Variants in SCFD2 observed in about 807,000 individuals in gnomAD.
SCFD2 encodes sec1 family domain-containing protein 2.
In SCFD2, 54 loss-of-function variants were observed where a neutral mutation model predicts 58.9. The ratio of observed to expected loss-of-function variants is 0.92; its 90% CI spans 0.74 to 1.15. The LOEUF (loss-of-function observed/expected upper bound fraction) is 1.15, where lower values mean the gene tolerates loss of function less well. Ranked by LOEUF, SCFD2 falls within the 50% of genes most tolerant of loss-of-function variation. SCFD2 has a pLI of 0.00. For missense variants in SCFD2, 805 were observed against 836.6 expected (o/e 0.96, Z 0.47); for synonymous variants, 321 against 335.9 (o/e 0.96, Z 0.49).
chr4:53,057,739 T>C (rs910726701), intron 5 of SCFD2, among the ~76,000 whole-genome samples: 1 of 152,046 alleles, frequency 6.6e-6, no homozygotes, highest in Admixed American at 6.6e-5. Flanking sequence ...AAGAAAGAAG[T>C]AGGTATGTGC....
At chr4:53,257,599 A>C (rs1730685192) in intron 4 of SCFD2, among the ~76,000 whole-genome samples, 1 of 152,204 alleles carries the variant, frequency 6.6e-6, no homozygotes, top group South Asian at 2.1e-4. Context: ...CTAATAAAAA[A>C]AAATTTTCCA....
At chr4:52,911,130 T>C (rs1404994716) in intron 6 of SCFD2, among the ~76,000 whole-genome samples, 3 of 152,180 alleles carry the variant, frequency 2.0e-5, no homozygotes, top group Non-Finnish European at 4.4e-5. Flanking sequence ...AAAGAGATCA[T>C]ACACAGCACA....
chr4:52,881,409 C>T (rs1718606088), intron 8 of SCFD2, among the ~76,000 whole-genome samples: 1 of 152,220 alleles, frequency 6.6e-6, no homozygotes, highest in Non-Finnish European at 1.5e-5. Context: ...CTGTTGTCCA[C>T]TTGTCATGAG....
At chr4:53,225,256 G>C (rs1418258719) in intron 4 of SCFD2, among the ~76,000 whole-genome samples, 1 of 152,108 alleles carries the variant, frequency 6.6e-6, no homozygotes, top group Non-Finnish European at 1.5e-5. Context: ...ACATGTTACT[G>C]AGCTCTACCC....
At chr4:53,250,588 A>T (rs1730326665) in intron 4 of SCFD2, among the ~76,000 whole-genome samples, 1 of 152,212 alleles carries the variant, frequency 6.6e-6, no homozygotes, top group African/African-American at 2.4e-5. Context: ...GGATTAAGAA[A>T]CTCACTCAAA....
chr4:53,117,049 TAGACTC>T (rs2148889090), intron 5 of SCFD2, among the ~76,000 whole-genome samples: 1 of 152,254 alleles, frequency 6.6e-6, no homozygotes, highest in East Asian at 1.9e-4. Context: ...TCCTGAGAAA[TAGACTC>T]AGAAGAGGAG....
At chr4:53,054,631 A>G (rs73250927) in intron 5 of SCFD2, among the ~76,000 whole-genome samples, 2,140 of 148,582 alleles carry the variant, frequency 0.014, 26 homozygotes, top group Middle Eastern at 0.041. Flanking sequence ...TTAGCTTAGA[A>G]AAAAAAAAAA....
intron 5 of SCFD2, among the ~76,000 whole-genome samples, chr4:53,054,131 C>A (rs1291849290): frequency 1.3e-5 from 2 of 152,082 alleles, no homozygotes; most frequent in Non-Finnish European, 2.9e-5. Flanking sequence ...CCCATCTAGT[C>A]CCTGTCTTCA....
chr4:52,905,936 A>G (rs1300164501), intron 7 of SCFD2, among the ~76,000 whole-genome samples: 1 of 152,238 alleles, frequency 6.6e-6, no homozygotes, highest in Non-Finnish European at 1.5e-5. Flanking sequence ...CTCCTCAGGA[A>G]GGATTGTAAA....
chr4:53,037,702 TAA>T (rs1722800178), intron 5 of SCFD2, among the ~76,000 whole-genome samples: 1 of 152,198 alleles, frequency 6.6e-6, no homozygotes, highest in Non-Finnish European at 1.5e-5. Flanking sequence ...CAGGTGCATG[TAA>T]AAGTGATGCT....
chr4:52,912,677 G>C (rs868243472), intron 6 of SCFD2, among the ~76,000 whole-genome samples: 1 of 152,188 alleles, frequency 6.6e-6, no homozygotes, highest in Admixed American at 6.5e-5. Context: ...TTTTAATGAG[G>C]AGAACCTTTG....
chr4:52,911,306 A>G (rs1188706939), intron 6 of SCFD2, among the ~76,000 whole-genome samples: 2 of 151,858 alleles, frequency 1.3e-5, no homozygotes, highest in East Asian at 3.9e-4. Flanking sequence ...AAGTAGGGAC[A>G]CTAGGATCAC....
intron 5 of SCFD2, among the ~76,000 whole-genome samples, chr4:52,926,903 T>A (rs1719876701): frequency 6.6e-6 from 1 of 152,226 alleles, no homozygotes; most frequent in African/African-American, 2.4e-5. Flanking sequence ...TGATTGTTTT[T>A]AAAATGGAGT....
At chr4:53,192,486 C>T (rs1408749246) in intron 4 of SCFD2, among the ~76,000 whole-genome samples, 1 of 152,154 alleles carries the variant, frequency 6.6e-6, no homozygotes, top group Non-Finnish European at 1.5e-5. Flanking sequence ...ACTCTCTGTA[C>T]TATCTGTGCA....
At chr4:52,944,300 A>G (rs564054721) in intron 5 of SCFD2, among the ~76,000 whole-genome samples, 2 of 152,312 alleles carry the variant, frequency 1.3e-5, no homozygotes, top group South Asian at 4.1e-4. Context: ...ATTGAGTTCT[A>G]TACCAAAATG....
intron 5 of SCFD2, among the ~76,000 whole-genome samples, chr4:53,012,001 C>CT (rs11297946): frequency 6.9e-4 from 94 of 137,074 alleles, no homozygotes; most frequent in African/African-American, 2.1e-3. Flanking sequence ...AGGTTTTAGG[C>CT]TTTTTTTTTT....
chr4:53,199,999 C>T (rs1427658943), intron 4 of SCFD2, among the ~76,000 whole-genome samples: 2 of 151,832 alleles, frequency 1.3e-5, no homozygotes, highest in East Asian at 1.9e-4. Flanking sequence ...TGCAAGTTCT[C>T]TTGTGTCTCT....
intron 2 of SCFD2, among the ~76,000 whole-genome samples, chr4:53,321,280 G>T (rs1012804719): frequency 6.6e-6 from 1 of 152,044 alleles, no homozygotes; most frequent in Non-Finnish European, 1.5e-5. Flanking sequence ...CCTTGGGTTG[G>T]CATGTATGAA....
chr4:53,300,836 C>A (rs540455470), intron 3 of SCFD2, among the ~76,000 whole-genome samples: 2 of 152,316 alleles, frequency 1.3e-5, no homozygotes, highest in South Asian at 4.1e-4. Flanking sequence ...GAGCAAGCTG[C>A]TCCTGAATGA....
Sources: allele counts gnomAD v4.1 joint callset (sites outside exome capture counted in the v4.1 genomes callset), GRCh38; gene constraint gnomAD v4.1.1; transcripts MANE v1.5; gene names NCBI Gene and HGNC (gene_info 2026-07-23, HGNC 2026-07-21).